Variants in PFKFB3 observed in about 807,000 individuals in gnomAD.
PFKFB3 encodes 6-phosphofructo-2-kinase/fructose-2,6-bisphosphatase 3.
A neutral mutation model predicts 68.0 loss-of-function variants in PFKFB3; 33 were observed. The ratio of observed to expected loss-of-function variants is 0.49; its 90% confidence interval spans 0.37 to 0.65. The LOEUF (loss-of-function observed/expected upper bound fraction) is 0.65. Among genes scored for constraint, PFKFB3 ranks in the 30% least tolerant of loss-of-function variants. The probability of loss-of-function intolerance (pLI) is 0.00; values close to 1 mark genes in which losing one functional copy is unlikely to be tolerated. For missense variants in PFKFB3, 586 were observed against 712.2 expected (o/e 0.82, Z 2.02); for synonymous variants, 315 against 288.2 (o/e 1.09, Z -0.94).
chr10:6,244,277 A>C (rs950859119), intron 14 of PFKFB3, among the ~76,000 whole-genome samples: 17 of 152,212 alleles, frequency 1.1e-4, no homozygotes, highest in African/African-American at 4.1e-4. Context: ...TGTACCACAC[A>C]CACAGGGAAA....
At chr10:6,207,226 A>G (rs1843841038) in intron 1 of PFKFB3, among the ~76,000 whole-genome samples, 3 of 152,232 alleles carry the variant, frequency 2.0e-5, no homozygotes, top group African/African-American at 2.4e-5. Flanking sequence ...ACTCGCGGTT[A>G]GGAGCTGGAG....
chr10:6,249,178 TAAAA>T (rs71391803), intron 14 of PFKFB3, among the ~76,000 whole-genome samples: 12 of 76,956 alleles, frequency 1.6e-4, no homozygotes, highest in African/African-American at 2.9e-4. Flanking sequence ...CCGTCTCAAT[TAAAA>T]AAAAAAAAAA....
the PFKFB3 span, among the ~76,000 whole-genome samples, chr10:6,269,225 GT>G: frequency 7.9e-3 from 1,110 of 139,726 alleles, 12 homozygotes; most frequent in African/African-American, 0.026. Flanking sequence ...TTATTTTTAC[GT>G]TTTTTTTTTT....
chr10:6,258,441 T>C (rs1052589339), downstream of PFKFB3, among the ~76,000 whole-genome samples: 17 of 152,366 alleles, frequency 1.1e-4, 2 homozygotes, highest in Admixed American at 6.5e-4. Context: ...TCTCTGTTTC[T>C]GGGCCTGAGG....
At chr10:6,164,544 G>A (rs557999948) in intron 1 of PFKFB3, among the ~76,000 whole-genome samples, 1 of 152,308 alleles carries the variant, frequency 6.6e-6, no homozygotes, top group South Asian at 2.1e-4. Flanking sequence ...AGGAGATACT[G>A]AGAAAAGAAA....
At position 6,224,094 on chromosome 10, in the gene PFKFB3, A is replaced by G. The variant is rs571308341; in HGVS notation, c.1277-55A>G. ...TAGCTTCTTGTGGCCGTGGGCTGTA[A>G]GCGGTGCTGTCCCTTTAACAGCAGC... On this transcript the variant is annotated intron_variant, in intron 12 of 14. Transcript: ENST00000379775. 1.6e-5 allele frequency: 25 copies of G among 1,612,176 alleles called. No individual in the cohort carries two copies. The South Asian group carries it at 2.5e-4, about 16-fold the overall frequency.
chr10:6,203,585 C>A (rs958237399), intron 1 of PFKFB3, among the ~76,000 whole-genome samples: 2 of 151,710 alleles, frequency 1.3e-5, no homozygotes, highest in Admixed American at 1.3e-4. Flanking sequence ...TACCCCGAGA[C>A]GGAGGGACGC....
At chr10:6,325,405 C>T in the PFKFB3 span, among the ~76,000 whole-genome samples, 1 of 152,220 alleles carries the variant, frequency 6.6e-6, no homozygotes, top group African/African-American at 2.4e-5. Flanking sequence ...TGACCTTGCT[C>T]TTCTAAGTCC....
At chr10:6,202,342 G>C (rs1230767641), upstream of PFKFB3, 1 of 152,232 alleles carries the variant, frequency 6.6e-6, no homozygotes, top group East Asian at 1.9e-4. Context: ...AGGTGAGGTG[G>C]GAGGATCAGG....
chr10:6,174,789 G>A (rs1842413747), intron 1 of PFKFB3, among the ~76,000 whole-genome samples: 1 of 151,642 alleles, frequency 6.6e-6, no homozygotes, highest in African/African-American at 2.4e-5. Flanking sequence ...CTGGGCCTGA[G>A]GAATAGCTTC....
At chr10:6,207,298 CGT>C (rs1843849867) in intron 1 of PFKFB3, among the ~76,000 whole-genome samples, 1 of 152,060 alleles carries the variant, frequency 6.6e-6, no homozygotes, top group African/African-American at 2.4e-5. Flanking sequence ...ACCAGTCAGG[CGT>C]GGCGGCGCCT....
At chr10:6,166,893 G>A (rs1842159851) in intron 1 of PFKFB3, among the ~76,000 whole-genome samples, 1 of 147,708 alleles carries the variant, frequency 6.8e-6, no homozygotes, top group Non-Finnish European at 1.5e-5. Context: ...GCAATGGTGC[G>A]ATCTCAGCTC....
chr10:6,269,627 G>A, the PFKFB3 span, among the ~76,000 whole-genome samples: 1 of 152,146 alleles, frequency 6.6e-6, no homozygotes, highest in Non-Finnish European at 1.5e-5. Flanking sequence ...GACTTAGGGT[G>A]GAGAAATGGG....
At chr10:6,276,025 C>G in the PFKFB3 span, among the ~76,000 whole-genome samples, 2 of 152,038 alleles carry the variant, frequency 1.3e-5, no homozygotes, top group Non-Finnish European at 2.9e-5. Flanking sequence ...TTCATGGCAC[C>G]TTGTATTTGA....
chr10:6,239,124 A>G (rs894378975), downstream of PFKFB3, among the ~76,000 whole-genome samples: 3 of 152,152 alleles, frequency 2.0e-5, no homozygotes, highest in African/African-American at 4.8e-5. Context: ...TTCTGACTTT[A>G]GGGGTTGAGA....
At chr10:6,288,697 A>G in the PFKFB3 span, among the ~76,000 whole-genome samples, 5 of 151,938 alleles carry the variant, frequency 3.3e-5, no homozygotes, top group African/African-American at 1.2e-4. Flanking sequence ...AGCATGATTT[A>G]TAGTCCTTTG....
intron 4 of PFKFB3, among the ~76,000 whole-genome samples, chr10:6,216,502 A>G (rs1844596887): frequency 6.6e-6 from 1 of 152,060 alleles, no homozygotes; most frequent in Non-Finnish European, 1.5e-5. Flanking sequence ...CCCCCACGCT[A>G]CCACCCCTGA....
In PFKFB3 at chr10:6,160,529, C is replaced by T. The variant is rs539028469; in HGVS notation, c.16+15516C>T. Among the ~76,000 whole-genome samples, 24 of 152,140 alleles carry T rather than the reference C, an allele frequency of 1.6e-4. No homozygotes were observed. The South Asian group carries it at 4.4e-3, about 28-fold the overall frequency. The stretch of plus-strand genomic sequence containing the variant: ...AGTCAGGAGTTCGAGACCAGCCTGG[C>T]AAACACAGTGAAACACTGTATACTA... On this transcript the variant is annotated intron_variant, in intron 1 of 14. Transcript: ENST00000379789.
In PFKFB3 at chr10:6,226,249, A is replaced by C; in HGVS notation, c.1399A>C (p.Ser467Arg). The C allele has an allele frequency of 6.2e-7, 1 of 1,613,866 alleles. No homozygotes were observed. Among genetic ancestry groups the C allele is most frequent in the Non-Finnish European group, 8.5e-7 (1 of 1,179,840 alleles). Reference sequence around the variant, plus strand: ...ACGCAATAGTGTCACCCCGCTAGCCAGCCCCGAACCCACCAAAAAGCCTCG... The same window carrying C: ...ACGCAATAGTGTCACCCCGCTAGCCCGCCCCGAACCCACCAAAAAGCCTCG... ...MRRNSVTPLA[S>R]PEPTKKPRIN... is the part of the protein sequence containing the mutation. Residue 467 changes from serine (S) to arginine (R), a missense_variant, in exon 14 of 15, where the codon AGC (serine) becomes CGC (arginine). Ser to Arg is a moderately radical substitution (Grantham distance 110). Coordinates refer to ENST00000379775, the MANE Select transcript of PFKFB3 (RefSeq NM_004566.4).
Sources: gnomAD v4.1 joint callset for allele counts (sites outside exome capture counted in the v4.1 genomes callset) on GRCh38, gnomAD v4.1.1 for gene constraint, MANE v1.5 for transcripts, NCBI Gene and HGNC (gene_info 2026-07-23, HGNC 2026-07-21) for gene names.